IAH1: variants seen among roughly 807,000 people sequenced by gnomAD.
The protein encoded by IAH1 is isoamyl acetate-hydrolyzing esterase 1 homolog.
IAH1 carries 24 observed loss-of-function variants against 26.7 expected under a neutral mutation model. That is an observed-to-expected ratio of 0.90 (90% CI 0.65 to 1.26). The LOEUF is 1.26. Ranked by LOEUF, IAH1 falls within the 50% of genes most tolerant of loss-of-function variation. The pLI, the probability that IAH1 is intolerant of heterozygous loss-of-function variation, is 0.00. For synonymous variants in IAH1, 140 were observed against 118.5 expected, an observed-to-expected ratio of 1.18 and a Z score of -1.18; for missense variants, 300 against 299.9, an observed-to-expected ratio of 1.00 and a Z score of 0.00.
chr2:9,494,778 GAACACGCATTGA>G, exon 6 of IAH1: 2 of 1,613,676 alleles, frequency 1.2e-6, no homozygotes, highest in Non-Finnish European at 1.7e-6. Flanking sequence ...CTGGAACAGA[GAACACGCATTGA>G]CAGCTGGATT....
In IAH1 at chr2:9,484,490, A is replaced by C; in HGVS notation, c.504A>C (p.Gln168His). The part of the protein sequence containing the change: ...VVGEYANACL[Q>H]VAQDCGTDVL... ...GTGAATATGCCAATGCGTGTTTACA[A>C]GTGGCCCAAGACTGTGGGACTGACG... The change falls in exon 5 of 6, where the codon CAA becomes CAC. Residue 168 changes from glutamine to histidine, a missense_variant. By Grantham distance (24) the Gln-to-His change is conservative. Transcript: ENST00000497473. The C allele has an allele frequency of 6.2e-7, 1 of 1,614,212 alleles. No individual in the cohort carries two copies. The highest frequency in any genetic ancestry group is 8.5e-7 in the Non-Finnish European group (1 of 1,180,038).
the IAH1 span, chr2:9,502,082 G>C: frequency 8.9e-7 from 1 of 1,125,778 alleles, no homozygotes; most frequent in Non-Finnish European, 1.3e-6. Flanking sequence ...AAAATAAGGT[G>C]TCTCTCATCT....
the IAH1 span, among the ~76,000 whole-genome samples, chr2:9,511,774 C>T: frequency 6.6e-6 from 1 of 152,038 alleles, no homozygotes; most frequent in Admixed American, 6.6e-5. Context: ...AGTTCCAGAC[C>T]AGACTGGCCA....
chr2:9,478,144 A>ACCCT, intron 2 of IAH1, 78 bp from the exon 3 acceptor site: 1 of 1,319,924 alleles, frequency 7.6e-7, no homozygotes, highest in Admixed American at 2.4e-5. Context: ...CAGAGAGCAC[A>ACCCT]CCCTCACTAA....
downstream of IAH1, chr2:9,490,390 C>G (rs370037406): frequency 9.3e-6 from 15 of 1,614,064 alleles, no homozygotes; most frequent in African/African-American, 2.7e-5. Context: ...TCTGGTGGTC[C>G]AGTTTTGGAG....
downstream of IAH1, among the ~76,000 whole-genome samples, chr2:9,498,533 C>T (rs1291658007): frequency 6.6e-6 from 1 of 152,172 alleles, no homozygotes; most frequent in Non-Finnish European, 1.5e-5. Flanking sequence ...TGAAGCCAAT[C>T]AAAAGAATTC....
Position 9,474,563 on chromosome 2 carries a change from C to T in IAH1, c.-4C>T, listed in dbSNP as rs766315572. 3.3e-5 allele frequency: 49 copies of T among 1,491,132 alleles called. 1 individual carries two copies. The African/African-American group carries it at 7.2e-4, about 22-fold the overall frequency. The allele number at this position is 1,491,132 out of a possible 1,614,324, so 92.4% of individuals were successfully genotyped here. A position where few individuals can be genotyped will look rare whatever the true frequency, so the allele number is the denominator to read the frequency against. On this transcript the variant is annotated 5_prime_UTR_variant, in exon 1 of 6. Coordinates refer to ENST00000497473, the MANE Select transcript of IAH1 (RefSeq NM_001039613.3). This position sits in a 1 kb window ranked among gnomAD's most constrained non-coding sequence, Gnocchi z 4.3. Reference sequence around the variant, plus strand: ...GGCCCCGCCCCGCCCCGCCCGGCTGCTCCATGGCGCTGTGCGAGGCCGCGG... The same window carrying T: ...GGCCCCGCCCCGCCCCGCCCGGCTGTTCCATGGCGCTGTGCGAGGCCGCGG...
At chr2:9,494,510 TAAC>T, downstream of IAH1, 1 of 1,100,018 alleles carries the variant, frequency 9.1e-7, no homozygotes, top group Admixed American at 2.4e-5. Context: ...TACCCGTAGA[TAAC>T]AATGGGCCAG....
At chr2:9,483,559 G>A (rs1281100605) in intron 4 of IAH1, among the ~76,000 whole-genome samples, 3 of 152,136 alleles carry the variant, frequency 2.0e-5, no homozygotes, top group Non-Finnish European at 4.4e-5. Context: ...CCTGTGGCCC[G>A]CATCCAGTTG....
the IAH1 span, chr2:9,509,983 T>C: frequency 1.2e-6 from 2 of 1,614,012 alleles, no homozygotes; most frequent in Non-Finnish European, 1.7e-6. Flanking sequence ...ACATACCTTA[T>C]TGTTCTCGTG....
In IAH1 at chr2:9,474,907, C is replaced by T. The variant is rs989421991; in HGVS notation, c.81+260C>T. Reference sequence around the variant, plus strand: ...CGCGAGGGGACCCGGCCGCGCTGCCCGCCCCGCGCCGCCTCCCACCCGGGT... The same window carrying T: ...CGCGAGGGGACCCGGCCGCGCTGCCTGCCCCGCGCCGCCTCCCACCCGGGT... On this transcript the variant is annotated intron_variant, in intron 1 of 5. Coordinates refer to ENST00000497473, the MANE Select transcript of IAH1 (RefSeq NM_001039613.3). This position sits in a 1 kb window ranked among gnomAD's most constrained non-coding sequence, Gnocchi z 4.3. The T allele has an allele frequency of 3.0e-5, 20 of 655,922 alleles. 1 individual carries two copies. The African/African-American group carries it at 3.5e-4, about 12-fold the overall frequency. 40.6% of individuals were successfully genotyped at this position (655,922 alleles called of 1,614,324 possible). A position where few individuals can be genotyped will look rare whatever the true frequency, so the allele number is the denominator to read the frequency against.
chr2:9,492,851 T>A, downstream of IAH1: 1 of 1,515,372 alleles, frequency 6.6e-7, no homozygotes, highest in Non-Finnish European at 9.0e-7. Flanking sequence ...TTGGAGTTGA[T>A]CAAAATTTAA....
downstream of IAH1, among the ~76,000 whole-genome samples, chr2:9,492,745 A>C (rs1053547828): frequency 7.9e-5 from 12 of 152,330 alleles, no homozygotes; most frequent in African/African-American, 2.4e-4. Flanking sequence ...TTTCTACAAG[A>C]CATGTTCCCC....
upstream of IAH1, chr2:9,474,537 C>A: frequency 1.4e-6 from 2 of 1,387,172 alleles, no homozygotes; most frequent in Non-Finnish European, 1.9e-6. This position sits in a 1 kb window ranked among gnomAD's most constrained non-coding sequence, Gnocchi z 4.3. Context: ...TCGTGGCTGG[C>A]GGCCCCGCCC....
At chr2:9,489,948 A>C, downstream of IAH1, 2 of 455,126 alleles carry the variant, frequency 4.4e-6, no homozygotes, top group Non-Finnish European at 7.8e-6. Context: ...ATATTTTAAA[A>C]ACTAAAACCT....
the IAH1 span, among the ~76,000 whole-genome samples, chr2:9,503,965 C>T: frequency 6.6e-6 from 1 of 151,930 alleles, no homozygotes; most frequent in Admixed American, 6.6e-5. Context: ...CAAGCTTGGG[C>T]AACATGGCAA....
the IAH1 span, chr2:9,505,472 T>C: frequency 8.5e-7 from 1 of 1,174,478 alleles, no homozygotes; most frequent in South Asian, 1.3e-5. Context: ...AAAACCACCA[T>C]CAGAGCCACC....
In IAH1 at chr2:9,474,690, G is replaced by T; in HGVS notation, c.81+43G>T. On this transcript the variant is annotated intron_variant, in intron 1 of 5. Coordinates refer to ENST00000497473, the MANE Select transcript of IAH1 (RefSeq NM_001039613.3). The surrounding 1 kb of genome is among the most constrained non-coding windows in gnomAD (Gnocchi z 4.3). ...CTCGGCCTCCCGCCCCGGCCTCCCTGCGGGGTCGCTGCCGAGCAGGCCGAG... is the reference window on the plus strand; with the variant it reads ...CTCGGCCTCCCGCCCCGGCCTCCCTTCGGGGTCGCTGCCGAGCAGGCCGAG... 1 of 1,434,676 alleles carries T rather than the reference G, an allele frequency of 7.0e-7. No individual in the cohort carries two copies. 88.9% of individuals were successfully genotyped at this position (1,434,676 alleles called of 1,614,324 possible).
At chr2:9,476,754 G>A (rs1243716276) in intron 2 of IAH1, among the ~76,000 whole-genome samples, 1 of 152,222 alleles carries the variant, frequency 6.6e-6, no homozygotes, top group African/African-American at 2.4e-5. Context: ...TGATTAGTTA[G>A]GGTGGGGCAG....
Sources: allele counts gnomAD v4.1 joint callset (sites outside exome capture counted in the v4.1 genomes callset), GRCh38; gene constraint gnomAD v4.1.1; non-coding constraint Gnocchi (gnomAD v3.1); transcripts MANE v1.5; gene names NCBI Gene and HGNC (gene_info 2026-07-23, HGNC 2026-07-21).